FAM20C: variants seen among roughly 807,000 people sequenced by gnomAD.
FAM20C encodes FAM20C golgi associated secretory pathway kinase, also known as extracellular serine/threonine protein kinase FAM20C.
FAM20C carries 40 observed loss-of-function variants against 51.5 expected under a neutral mutation model. The ratio of observed to expected loss-of-function variants is 0.78; its 90% CI spans 0.60 to 1.01. FAM20C has a LOEUF of 1.01. Among genes scored for constraint, FAM20C ranks in the 50% least tolerant of loss-of-function variants. The pLI is 0.00. For missense variants in FAM20C, 861 were observed against 844.7 expected (o/e 1.02, Z -0.24); for synonymous variants, 406 against 380.6 (o/e 1.07, Z -0.78).
intron 3 of FAM20C, among the ~76,000 whole-genome samples, chr7:218,328 C>T (rs1384099118): frequency 1.3e-5 from 2 of 152,242 alleles, no homozygotes; most frequent in Non-Finnish European, 2.9e-5. Context: ...CTTTCCGGTG[C>T]TCCCGTCCTG....
Position 255,952 on chromosome 7 carries a change from G to A in FAM20C, c.1176G>A (p.Leu392=). Reference sequence around the variant, plus strand: ...TCGAGGGCTCGCTGGCGGCCTTCCTGCCCGACCTGTCCCTGGCCAAGAGGA... The same window carrying A: ...TCGAGGGCTCGCTGGCGGCCTTCCTACCCGACCTGTCCCTGGCCAAGAGGA... ...DQIEGSLAAF[L]PDLSLAKRKT... The change falls in exon 6 of 10, where the codon CTG becomes CTA. Residue 392 remains leucine, a synonymous_variant. Transcript: ENST00000313766. The A allele has an allele frequency of 1.3e-6, 2 of 1,536,242 alleles. No homozygotes were observed. Among genetic ancestry groups the A allele is most frequent in the South Asian group, 1.2e-5 (1 of 84,068 alleles).
chr7:209,893 C>T (rs552058653), intron 3 of FAM20C, among the ~76,000 whole-genome samples: 7 of 152,336 alleles, frequency 4.6e-5, no homozygotes, highest in East Asian at 1.9e-4. Flanking sequence ...CAGCTGGGCT[C>T]GGTTTCTGGG....
At position 193,222 on chromosome 7, in the gene FAM20C, G is replaced by C. The variant is rs73251052; in HGVS notation, c.23G>C (p.Arg8Pro). The change falls in exon 1 of 10, where the codon CGG becomes CCG. Residue 8 changes from arginine to proline, a missense_variant. This residue lies in a region of FAM20C where 561 missense variants were observed against 499.8 expected (regional missense o/e 1.12). Transcript: ENST00000313766. The stretch of plus-strand genomic sequence containing the variant: ...GCCATGAAGATGATGCTGGTGCGCC[G>C]GTTCCGCGTGCTCATCCTGATGGTG... MKMMLVR[R>P]FRVLILMVFL... The C allele has an allele frequency of 6.8e-7, 1 of 1,462,028 alleles. No individual in the cohort carries two copies. The highest frequency in any genetic ancestry group is 1.2e-5 in the South Asian group (1 of 81,870). The allele number at this position is 1,462,028 out of a possible 1,614,324, so 90.6% of individuals were successfully genotyped here. A position where few individuals can be genotyped will look rare whatever the true frequency, so the allele number is the denominator to read the frequency against.
At chr7:248,179 G>A (rs979095370) in intron 4 of FAM20C, 136 bp from the exon 5 acceptor site, 23 of 615,258 alleles carry the variant, frequency 3.7e-5, no homozygotes, top group Non-Finnish European at 6.2e-5. Context: ...GGTTTATTCG[G>A]AGGCAGGGAC....
intron 3 of FAM20C, among the ~76,000 whole-genome samples, chr7:218,080 C>G (rs889714155): frequency 6.6e-6 from 1 of 152,188 alleles, no homozygotes; most frequent in Non-Finnish European, 1.5e-5. Flanking sequence ...GGCCTGCTGC[C>G]TGTGGGCTGG....
At position 259,811 on chromosome 7, in the gene FAM20C, T is replaced by G; in HGVS notation, c.1586T>G (p.Leu529Arg). The change falls in exon 10 of 10, where the codon CTG becomes CGG. Residue 529 changes from leucine (L) to arginine (R), a missense_variant. Physicochemically the swap from Leu to Arg is moderately radical, Grantham distance 102. Around this residue, in one of 3 missense-constraint regions of FAM20C, gnomAD observed 269 missense variants for 283.8 expected, o/e 0.95. Transcript: ENST00000313766. ...YKLSLLMAESLRGDQVAPVLY... is the reference protein window; with the variant it reads ...YKLSLLMAESRRGDQVAPVLY... ...CTGAGCCTGCTGATGGCCGAGTCTC[T>G]GCGGGGGGACCAGGTGGCACCCGTG... 6.5e-7 allele frequency: 1 copy of G among 1,536,538 alleles called. No homozygotes were observed. The highest frequency in any genetic ancestry group is 1.2e-5 in the South Asian group (1 of 84,058).
intron 2 of FAM20C, among the ~76,000 whole-genome samples, chr7:200,408 TGGA>T (rs1438732048): frequency 6.6e-6 from 1 of 152,216 alleles, no homozygotes; most frequent in Non-Finnish European, 1.5e-5. Context: ...AAGTGGAGCC[TGGA>T]GGAGGCGGCA....
intron 3 of FAM20C, among the ~76,000 whole-genome samples, chr7:233,724 C>T (rs1787768016): frequency 6.6e-6 from 1 of 152,236 alleles, no homozygotes; most frequent in Non-Finnish European, 1.5e-5. Flanking sequence ...CACATCTGCA[C>T]TGTGCCTCCC....
chr7:258,784 C>T, intron 9 of FAM20C, 79 bp downstream of exon 9: 1 of 1,327,712 alleles, frequency 7.5e-7, no homozygotes, highest in Non-Finnish European at 1.0e-6. Context: ...ACAGCCTTCC[C>T]CACCCCACCC....
intron 8 of FAM20C, chr7:257,394 T>G: frequency 2.9e-6 from 1 of 346,392 alleles, no homozygotes. Flanking sequence ...CCGTGCAGAA[T>G]AGATGGGCCT....
rs1473186179 is a variant in FAM20C at position 260,075 on chromosome 7, G to A, written c.*95G>A. ...CGTCGTGAATTCAGTGAATTCAGAG[G>A]CAGGACGGGATCATCCGGAGTCGGG... On this transcript the variant is annotated 3_prime_UTR_variant, in exon 10 of 10. Coordinates refer to ENST00000313766, the MANE Select transcript of FAM20C (RefSeq NM_020223.4). 2.1e-6 allele frequency: 3 copies of A among 1,410,528 alleles called. No individual in the cohort carries two copies. The highest frequency in any genetic ancestry group is 2.8e-6 in the Non-Finnish European group (3 of 1,077,838). The allele number at this position is 1,410,528 out of a possible 1,614,324, so 87.4% of individuals were successfully genotyped here. A position where few individuals can be genotyped will look rare whatever the true frequency, so the allele number is the denominator to read the frequency against.
At chr7:212,847 T>C (rs1583295976) in intron 3 of FAM20C, among the ~76,000 whole-genome samples, 1 of 152,238 alleles carries the variant, frequency 6.6e-6, no homozygotes, top group African/African-American at 2.4e-5. Context: ...CCACTTAAAG[T>C]GTGCAGCTTG....
chr7:236,229 G>A (rs1324722947), intron 3 of FAM20C, among the ~76,000 whole-genome samples: 12 of 151,142 alleles, frequency 7.9e-5, no homozygotes, highest in South Asian at 4.2e-4. Flanking sequence ...GAGGCCGAGC[G>A]GCTCCTGGCC....
chr7:240,951 G>A (rs936852769), intron 3 of FAM20C, among the ~76,000 whole-genome samples: 8 of 152,192 alleles, frequency 5.3e-5, no homozygotes, highest in Admixed American at 6.5e-5. Context: ...CTGAGCAGGG[G>A]GTGGGGCTGA....
chr7:241,847 G>A (rs935834160), intron 3 of FAM20C, among the ~76,000 whole-genome samples: 1 of 152,096 alleles, frequency 6.6e-6, no homozygotes, highest in African/African-American at 2.4e-5. Context: ...GTTTGTGAGC[G>A]TGCAGGTGTG....
At chr7:195,054 C>T (rs775365645) in intron 1 of FAM20C, among the ~76,000 whole-genome samples, 1 of 152,206 alleles carries the variant, frequency 6.6e-6, no homozygotes, top group African/African-American at 2.4e-5. Flanking sequence ...TAGCCTCTTG[C>T]ATCATTGTGC....
rs1230675121 is a variant in FAM20C at position 257,104 on chromosome 7, C to T, written c.1445+18C>T. The T allele has an allele frequency of 6.5e-7, 1 of 1,536,328 alleles. No individual in the cohort carries two copies. Among genetic ancestry groups the T allele is most frequent in the Admixed American group, 2.0e-5 (1 of 50,994 alleles). On this transcript the variant is annotated intron_variant, in intron 8 of 9. Coordinates refer to ENST00000313766, the MANE Select transcript of FAM20C (RefSeq NM_020223.4). ...GGAAGAGGGTGAGCCTGTCCTCGCCCCTGCACACCCAGGGAAGGGCCGGCC... is the reference window on the plus strand; with the variant it reads ...GGAAGAGGGTGAGCCTGTCCTCGCCTCTGCACACCCAGGGAAGGGCCGGCC...
At chr7:252,571 G>A (rs1251671420) in intron 5 of FAM20C, among the ~76,000 whole-genome samples, 1 of 152,182 alleles carries the variant, frequency 6.6e-6, no homozygotes, top group African/African-American at 2.4e-5. Context: ...ACACCCCCTC[G>A]GCCTCCCGTG....
chr7:205,941 C>G (rs1786359574), intron 2 of FAM20C, among the ~76,000 whole-genome samples: 1 of 152,074 alleles, frequency 6.6e-6, no homozygotes, highest in African/African-American at 2.4e-5. Flanking sequence ...AGGGAGTATC[C>G]TGAGCTTTCT....
Sources: gnomAD v4.1 joint callset for allele counts (sites outside exome capture counted in the v4.1 genomes callset) on GRCh38, gnomAD v4.1.1 for gene constraint, gnomAD v4.1.1 regional missense constraint, MANE v1.5 for transcripts, NCBI Gene and HGNC (gene_info 2026-07-23, HGNC 2026-07-21) for gene names.